The following APLF variants were observed in gnomAD, a reference collection of about 807,000 sequenced individuals.
The protein encoded by APLF is aprataxin and PNK-like factor.
APLF carries 61 observed loss-of-function variants against 55.6 expected under a neutral mutation model. That is an observed-to-expected ratio of 1.10 (90% CI 0.89 to 1.36). APLF has a LOEUF of 1.36. APLF is among the 40% of genes most tolerant of loss of function. The pLI is 0.00. For synonymous variants in APLF, 207 were observed against 214.8 expected (o/e 0.96, Z 0.32); for missense variants, 611 against 602.5 (o/e 1.01, Z -0.15).
At chr2:68,511,164 A>G (rs1355705333) in intron 3 of APLF, among the ~76,000 whole-genome samples, 1 of 151,802 alleles carries the variant, frequency 6.6e-6, no homozygotes, top group Non-Finnish European at 1.5e-5. Flanking sequence ...GATGAATCTT[A>G]TGACTATATG....
intron 1 of APLF, among the ~76,000 whole-genome samples, chr2:68,486,043 A>G (rs1222061996): frequency 6.6e-6 from 1 of 152,036 alleles, no homozygotes; most frequent in Non-Finnish European, 1.5e-5. Flanking sequence ...AATTTGCTGT[A>G]TTCCAGTATT....
chr2:68,516,916 TA>T (rs1483661235), intron 5 of APLF, among the ~76,000 whole-genome samples: 1 of 128,854 alleles, frequency 7.8e-6, no homozygotes, highest in East Asian at 2.1e-4. Flanking sequence ...ATATCCTATA[TA>T]ACATTATATA....
intron 3 of APLF, among the ~76,000 whole-genome samples, chr2:68,504,188 T>C (rs1382930606): frequency 6.6e-6 from 1 of 152,042 alleles, no homozygotes; most frequent in Non-Finnish European, 1.5e-5. Flanking sequence ...ATAATTTAAG[T>C]ATTTCCCATA....
In APLF at chr2:68,502,815, C is replaced by A; in HGVS notation, c.253C>A (p.Pro85Thr). ...GCCAAATCTATGGTGCTATTTGAAT[C>A]CTGGAGACAGCTTTTCTTTGTTAGT... is the stretch of plus-strand genomic sequence containing the variant. ...LKPNLWCYLN[P>T]GDSFSLLVDK... Residue 85 changes from proline to threonine, a missense_variant, in exon 3 of 10, where the codon CCT becomes ACT. Transcript: ENST00000303795. 1 of 1,608,298 alleles carries A rather than the reference C, an allele frequency of 6.2e-7. No homozygotes were observed. The highest frequency in any genetic ancestry group is 2.3e-5 in the East Asian group (1 of 44,384).
rs1444092258 is a variant in APLF, at chr2:68,579,273, A to G, written c.*1251A>G. The G allele has an allele frequency of 3.5e-6, 3 of 845,792 alleles. No individual in the cohort carries two copies. The highest frequency in any genetic ancestry group is 4.3e-6 in the Non-Finnish European group (3 of 703,148). 52.4% of individuals were successfully genotyped at this position (845,792 alleles called of 1,614,324 possible). On this transcript the variant is annotated 3_prime_UTR_variant, in exon 10 of 10. Coordinates refer to ENST00000303795, the MANE Select transcript of APLF (RefSeq NM_173545.3). ...AATAAGATAAACATTTCTCTAGACT[A>G]TAACCTATTATTCTGATTTTTATCT...
chr2:68,536,130 C>T (rs944452954), intron 6 of APLF, among the ~76,000 whole-genome samples: 1 of 152,082 alleles, frequency 6.6e-6, no homozygotes, highest in African/African-American at 2.4e-5. Context: ...TGGTACAGAC[C>T]AGTTGGTCCT....
intron 2 of APLF, among the ~76,000 whole-genome samples, chr2:68,494,489 T>C (rs999714914): frequency 6.7e-6 from 1 of 150,352 alleles, no homozygotes; most frequent in Non-Finnish European, 1.5e-5. Flanking sequence ...GCCACACACT[T>C]TTTTTTTTCT....
chr2:68,540,162 G>A (rs1670507627), intron 7 of APLF, among the ~76,000 whole-genome samples: 3 of 149,798 alleles, frequency 2.0e-5, no homozygotes, highest in Admixed American at 6.6e-5. Flanking sequence ...CCCTCCCCTT[G>A]CCCCCACCCC....
intron 1 of APLF, among the ~76,000 whole-genome samples, chr2:68,480,656 TAA>T (rs1388123733): frequency 6.6e-6 from 1 of 152,038 alleles, no homozygotes; most frequent in East Asian, 1.9e-4. Flanking sequence ...CTATATTTAA[TAA>T]GAGTGGTAAT....
chr2:68,519,017 A>AT (rs1558540171), intron 5 of APLF, among the ~76,000 whole-genome samples: 13 of 112,614 alleles, frequency 1.2e-4, no homozygotes, highest in Non-Finnish European at 2.1e-4. Flanking sequence ...AATATATAAT[A>AT]ATATATAATA....
chr2:68,537,119 C>T (rs1670413482), intron 6 of APLF, among the ~76,000 whole-genome samples: 4 of 150,234 alleles, frequency 2.7e-5, no homozygotes, highest in South Asian at 2.1e-4. Context: ...GAGCAGATAT[C>T]GTGCCACCAC....
chr2:68,555,332 C>G (rs963040911), intron 8 of APLF, among the ~76,000 whole-genome samples: 1 of 152,052 alleles, frequency 6.6e-6, no homozygotes, highest in African/African-American at 2.4e-5. Context: ...AACTAAAGAG[C>G]TTTTACACAG....
chr2:68,529,210 C>T lies in APLF; in HGVS notation c.804+2968C>T, dbSNP rs372074304. On this transcript the variant is annotated intron_variant, in intron 6 of 9. Coordinates refer to ENST00000303795, the MANE Select transcript of APLF (RefSeq NM_173545.3). This position sits in a 1 kb window ranked among gnomAD's most constrained non-coding sequence, Gnocchi z 4.4. ...GAGGCAGGACCCTCTGTGGGGTGCC[C>T]GTGTTCCAAGGGATAAGACACAGCC... is the stretch of plus-strand genomic sequence containing the variant. The T allele has an allele frequency of 1.3e-5, 16 of 1,254,322 alleles. No individual in the cohort carries two copies. Among genetic ancestry groups the T allele is most frequent in the Middle Eastern group, 4.1e-4 (2 of 4,842 alleles). The allele number at this position is 1,254,322 out of a possible 1,614,324, so 77.7% of individuals were successfully genotyped here.
rs1398056735 is a variant in APLF, at chr2:68,571,143, G to GT, written c.1333+3765dup. On this transcript the variant is annotated intron_variant, in intron 9 of 9. Coordinates refer to ENST00000303795, the MANE Select transcript of APLF (RefSeq NM_173545.3). ...CCTTCACCCCCTTTTTGATGGGGTT[G>GT]TTTTTTTTTCTTGTAAATTTGTTTG... Among the ~76,000 whole-genome samples, 617 of 149,700 alleles carry GT rather than the reference G, an allele frequency of 4.1e-3. 3 individuals are homozygous for GT. Among genetic ancestry groups the GT allele is most frequent in the African/African-American group, 0.014 (582 of 41,068 alleles).
intron 2 of APLF, among the ~76,000 whole-genome samples, chr2:68,491,101 T>C (rs1200955724): frequency 2.0e-5 from 3 of 152,352 alleles, no homozygotes; most frequent in African/African-American, 7.2e-5. Context: ...ACTTGGAAAT[T>C]TTTTGAATAA....
At chr2:68,502,658 G>T in intron 2 of APLF, 73 bp from the exon 3 acceptor site, 1 of 960,222 alleles carries the variant, frequency 1.0e-6, no homozygotes, top group Non-Finnish European at 1.4e-6. Context: ...TATTTTTGTT[G>T]TAATTTTGAG....
Position 68,472,410 on chromosome 2 carries a change from G to A in APLF, c.96+4583G>A, listed in dbSNP as rs567207743. Among the ~76,000 whole-genome samples, 7 of 151,752 alleles carry A rather than the reference G, an allele frequency of 4.6e-5. No homozygotes were observed. The East Asian group carries it at 9.6e-4, about 21-fold the overall frequency. On this transcript the variant is annotated intron_variant, in intron 1 of 9. Transcript: ENST00000303795. ...TGTTATGCCTGAGTCAGACTGGAAA[G>A]TAAGTCACGTTATACAGGGTTAAAT...
At chr2:68,543,382 C>T (rs1670610847) in intron 7 of APLF, among the ~76,000 whole-genome samples, 1 of 152,098 alleles carries the variant, frequency 6.6e-6, no homozygotes, top group African/African-American at 2.4e-5. Context: ...CAGATTTGGC[C>T]TGCTGTTCAT....
intron 1 of APLF, among the ~76,000 whole-genome samples, chr2:68,484,393 A>C (rs1047570055): frequency 6.6e-6 from 1 of 152,154 alleles, no homozygotes; most frequent in Admixed American, 6.5e-5. Context: ...AACAATATTA[A>C]GAATGCAGTT....
Sources: allele counts gnomAD v4.1 joint callset (sites outside exome capture counted in the v4.1 genomes callset), GRCh38; gene constraint gnomAD v4.1.1; non-coding constraint Gnocchi (gnomAD v3.1); transcripts MANE v1.5; gene names NCBI Gene and HGNC (gene_info 2026-07-23, HGNC 2026-07-21).